CLTCL1: variants seen among roughly 807,000 people sequenced by gnomAD.
CLTCL1 encodes clathrin heavy chain like 1.
Under a neutral mutation model 190.0 loss-of-function variants are expected in CLTCL1, and 159 were observed. The observed-to-expected ratio is 0.84, with a 90% CI of 0.74 to 0.95. The LOEUF (loss-of-function observed/expected upper bound fraction) is 0.95. Ranked by LOEUF, CLTCL1 falls within the 40% of genes least tolerant of loss-of-function variation. The pLI is 0.00. For missense variants in CLTCL1, 1,878 were observed against 2,033.4 expected (o/e 0.92, Z 1.47); for synonymous variants, 752 against 769.6 (o/e 0.98, Z 0.38).
At chr22:19,226,090 A>G (rs192757282) in intron 12 of CLTCL1, 129 bp downstream of exon 12, 15 of 1,048,680 alleles carry the variant, frequency 1.4e-5, no homozygotes, top group Non-Finnish European at 2.1e-5. Flanking sequence ...GTAGTAAAGT[A>G]TGGTAGGTTA....
intron 29 of CLTCL1, 41 bp downstream of exon 29, chr22:19,187,517 C>T (rs782352716): frequency 1.9e-6 from 3 of 1,588,260 alleles, no homozygotes; most frequent in Middle Eastern, 2.3e-4. Flanking sequence ...GGAAACACAC[C>T]AAGGCAGGAA....
At chr22:19,234,152 G>A (rs1413724533) in intron 7 of CLTCL1, among the ~76,000 whole-genome samples, 13 of 152,148 alleles carry the variant, frequency 8.5e-5, no homozygotes, top group Admixed American at 3.3e-4. Flanking sequence ...TAGGACTATC[G>A]CTAGATAAAA....
chr22:19,222,107 G>C lies in CLTCL1; in HGVS notation c.2419-14C>G, dbSNP rs1555952918. Reference sequence around the variant, plus strand: ...GCTAGGGTTGACCTAGGGTAGTCAAGGTCAAGTAACTTCAGTGTTGCAAAC... The same window carrying C: ...GCTAGGGTTGACCTAGGGTAGTCAACGTCAAGTAACTTCAGTGTTGCAAAC... On this transcript the variant is annotated splice_polypyrimidine_tract_variant and intron_variant, in intron 15 of 32. Transcript: ENST00000427926. 6.2e-7 allele frequency: 1 copy of C among 1,612,584 alleles called. No homozygotes were observed. Among genetic ancestry groups the C allele is most frequent in the Non-Finnish European group, 8.5e-7 (1 of 1,179,312 alleles).
At position 19,210,507 on chromosome 22, in the gene CLTCL1, T is replaced by A. The variant is rs117542241; in HGVS notation, c.3068A>T (p.Asn1023Ile). The change falls in exon 20 of 33, where the codon AAT becomes ATT. Residue 1023 changes from asparagine (N) to isoleucine (I), a missense_variant and splice_region_variant. Coordinates refer to ENST00000427926, the MANE Select transcript of CLTCL1 (RefSeq NM_007098.4). ...AGTCAGGATCAACAGATTCTGTAGA[T>A]TCCTGAGGAGAGAGGGTGGTCAGCA... Reference protein sequence around the residue: ...LDNSVFSEHRNLQNLLILTAI... With the variant: ...LDNSVFSEHRILQNLLILTAI... 54,782 of 1,612,272 alleles carry A rather than the reference T, an allele frequency of 0.034. 1,100 individuals are homozygous for A. Among genetic ancestry groups the A allele is most frequent in the Non-Finnish European group, 0.041 (48,746 of 1,178,750 alleles).
chr22:19,212,723 G>A (rs1555947595), intron 19 of CLTCL1, among the ~76,000 whole-genome samples: 1 of 152,150 alleles, frequency 6.6e-6, no homozygotes, highest in African/African-American at 2.4e-5. Context: ...ATTGATTTTT[G>A]ACAGAGATGC....
At chr22:19,290,258 A>T (rs8136358) in intron 1 of CLTCL1, among the ~76,000 whole-genome samples, 5,665 of 152,290 alleles carry the variant, frequency 0.037, 346 homozygotes, top group African/African-American at 0.13. Context: ...GTCACTTACT[A>T]GCCATGTAAC....
At chr22:19,255,623 A>G (rs1555972045) in intron 2 of CLTCL1, among the ~76,000 whole-genome samples, 1 of 151,840 alleles carries the variant, frequency 6.6e-6, no homozygotes, top group African/African-American at 2.4e-5. Context: ...ATAAAAAAGA[A>G]TTCAGGCCGG....
intron 1 of CLTCL1, among the ~76,000 whole-genome samples, chr22:19,289,263 G>T (rs2088022425): frequency 6.6e-6 from 1 of 152,196 alleles, no homozygotes; most frequent in Non-Finnish European, 1.5e-5. Flanking sequence ...GATTACAGGT[G>T]TGAGCCACCA....
chr22:19,226,486 G>C (rs2145815638), intron 11 of CLTCL1, 103 bp from the exon 12 acceptor site: 2 of 1,280,034 alleles, frequency 1.6e-6, no homozygotes, highest in East Asian at 4.7e-5. Context: ...CTGGCAACCA[G>C]AACTCACAGG....
chr22:19,190,596 C>CAAAAAAAAAAAAAAAAAA (rs55780206), intron 27 of CLTCL1, among the ~76,000 whole-genome samples: 31 of 72,818 alleles, frequency 4.3e-4, no homozygotes, highest in Non-Finnish European at 5.6e-4. Flanking sequence ...AAGACTGTCT[C>CAAAAAAAAAAAAAAAAAA]AAAAAAAAAA....
chr22:19,228,789 A>G (rs1330517879), intron 11 of CLTCL1, among the ~76,000 whole-genome samples: 2 of 152,218 alleles, frequency 1.3e-5, no homozygotes, highest in African/African-American at 4.8e-5. Context: ...ATATATCTAA[A>G]TTTAACCCAA....
chr22:19,255,908 TCA>T (rs2086733257), intron 2 of CLTCL1, among the ~76,000 whole-genome samples: 1 of 121,410 alleles, frequency 8.2e-6, no homozygotes. Flanking sequence ...AGACTCTGTC[TCA>T]AAAAAAAAAA....
intron 3 of CLTCL1, among the ~76,000 whole-genome samples, chr22:19,251,632 A>AT (rs1394932721): frequency 6.6e-6 from 1 of 151,510 alleles, no homozygotes; most frequent in East Asian, 1.9e-4. Context: ...AATTTTTTGT[A>AT]TTTTTAGTAG....
At chr22:19,235,590 ACTATTAATAGCTACACCCAG>A in intron 6 of CLTCL1, 86 bp downstream of exon 6, 1 of 1,037,292 alleles carries the variant, frequency 9.6e-7, no homozygotes, top group Non-Finnish European at 1.4e-6. Flanking sequence ...AATAACAGGA[ACTATTAATAGCTACACCCAG>A]CTGCTTTCCT....
chr22:19,259,568 C>T lies in CLTCL1; in HGVS notation c.251-5341G>A, dbSNP rs533348570. Among the ~76,000 whole-genome samples, 4 of 152,244 alleles carry T rather than the reference C, an allele frequency of 2.6e-5. No individual in the cohort carries two copies. In the East Asian group the frequency reaches 5.8e-4, roughly 22 times the overall value. ...TCATTATTATATTTGTTATACTGCT[C>T]TGTGATCAGTGATCTTTCATGTTAT... On this transcript the variant is annotated intron_variant, in intron 2 of 32. Transcript: ENST00000427926.
At chr22:19,287,917 T>A (rs900657428) in intron 1 of CLTCL1, among the ~76,000 whole-genome samples, 1 of 152,328 alleles carries the variant, frequency 6.6e-6, no homozygotes, top group Non-Finnish European at 1.5e-5. Context: ...CACAGTGCTT[T>A]ACAGTAGTCC....
At chr22:19,220,423 CTG>C (rs2085530630) in intron 17 of CLTCL1, among the ~76,000 whole-genome samples, 6 of 152,200 alleles carry the variant, frequency 3.9e-5, no homozygotes, top group Admixed American at 3.9e-4. Flanking sequence ...TTTAAACCAT[CTG>C]TAAAATGTTA....
chr22:19,219,233 G>A (rs1353743594), intron 18 of CLTCL1, among the ~76,000 whole-genome samples: 2 of 151,894 alleles, frequency 1.3e-5, no homozygotes, highest in Non-Finnish European at 2.9e-5. Context: ...AGTTGCCCAG[G>A]CTGGAGTGCA....
Position 19,180,225 on chromosome 22 carries a change from A to C in CLTCL1, c.4917T>G (p.His1639Gln). ...TAGTGCAATCAGCTGGGTCTCATTC[A>C]TGCCCATCAAAATCTAAAAAAACCA... ...PAPLVFDFDG[H>Q]E is the part of the protein sequence containing the mutation. The change falls in exon 32 of 33, where the codon CAT becomes CAG. Residue 1639 changes from histidine to glutamine, a missense_variant. Transcript: ENST00000427926. The C allele has an allele frequency of 6.2e-7, 1 of 1,613,806 alleles. No homozygotes were observed. Among genetic ancestry groups the C allele is most frequent in the Non-Finnish European group, 8.5e-7 (1 of 1,179,856 alleles).
Sources: gnomAD v4.1 joint callset for allele counts (sites outside exome capture counted in the v4.1 genomes callset) on GRCh38, gnomAD v4.1.1 for gene constraint, MANE v1.5 for transcripts, NCBI Gene and HGNC (gene_info 2026-07-23, HGNC 2026-07-21) for gene names.